The following TEC variants were observed in gnomAD, a reference collection of about 807,000 sequenced individuals.
TEC encodes the protein tyrosine-protein kinase Tec.
A neutral mutation model predicts 93.0 loss-of-function variants in TEC; 72 were observed. That is an observed-to-expected ratio of 0.77 (90% CI 0.64 to 0.94). TEC has a LOEUF of 0.94. Among genes scored for constraint, TEC ranks in the 40% least tolerant of loss-of-function variants. The pLI, the probability that TEC is intolerant of heterozygous loss-of-function variation, is 0.00. For synonymous variants in TEC, 249 were observed against 247.7 expected (o/e 1.01, Z -0.05); for missense variants, 630 against 757.9 (o/e 0.83, Z 1.98).
At chr4:48,182,961 G>A (rs928849483) in intron 2 of TEC, among the ~76,000 whole-genome samples, 3 of 152,254 alleles carry the variant, frequency 2.0e-5, no homozygotes, top group Admixed American at 2.0e-4. Context: ...ACAGGGAAAG[G>A]CTTGCCAGGG....
chr4:48,179,677 T>C (rs776018429), intron 2 of TEC, among the ~76,000 whole-genome samples: 4 of 151,678 alleles, frequency 2.6e-5, no homozygotes, highest in Non-Finnish European at 5.9e-5. Flanking sequence ...GCGTGAGCAC[T>C]ACATATAAAA....
At chr4:48,151,143 G>A (rs1450071448) in intron 9 of TEC, among the ~76,000 whole-genome samples, 1 of 152,248 alleles carries the variant, frequency 6.6e-6, no homozygotes, top group Middle Eastern at 3.4e-3. Flanking sequence ...TACTGCGCTA[G>A]GAGAGTAGTT....
At position 48,161,411 on chromosome 4, in the gene TEC, C is replaced by T. The variant is rs550196905; in HGVS notation, c.737+2291G>A. On this transcript the variant is annotated intron_variant, in intron 8 of 17. Transcript: ENST00000381501. ...ATCACAACGAATCTGCTTTCTTTTC[C>T]AGCACTGATCTCTCCGATCTTCTCC... Among the ~76,000 whole-genome samples the T allele has an allele frequency of 2.0e-5, 3 of 151,928 alleles. No homozygotes were observed. The South Asian group carries it at 6.3e-4, about 32-fold the overall frequency.
chr4:48,218,756 C>T (rs1185853842), intron 2 of TEC, among the ~76,000 whole-genome samples: 1 of 152,148 alleles, frequency 6.6e-6, no homozygotes, highest in African/African-American at 2.4e-5. Context: ...AAGAAAAAAA[C>T]CAATATGACC....
intron 2 of TEC, among the ~76,000 whole-genome samples, chr4:48,197,178 A>G (rs4695357): frequency 2.0e-5 from 3 of 151,954 alleles, no homozygotes; most frequent in Admixed American, 1.3e-4. Flanking sequence ...ACAATTTGGT[A>G]GCCCAAAAAA....
intron 2 of TEC, among the ~76,000 whole-genome samples, chr4:48,210,856 T>C (rs1157281269): frequency 2.0e-5 from 3 of 152,126 alleles, no homozygotes; most frequent in African/African-American, 7.2e-5. Context: ...TGCATTGATA[T>C]CTGGGAAAAA....
At chr4:48,184,772 C>T (rs901380014) in intron 2 of TEC, among the ~76,000 whole-genome samples, 1 of 84,376 alleles carries the variant, frequency 1.2e-5, no homozygotes, top group East Asian at 5.0e-4. Context: ...AAAAAAAATA[C>T]ACACACACAC....
chr4:48,213,432 A>G (rs1722975592), intron 2 of TEC, among the ~76,000 whole-genome samples: 1 of 152,252 alleles, frequency 6.6e-6, no homozygotes, highest in Admixed American at 6.5e-5. Flanking sequence ...CTGAAGTAGT[A>G]ATCAGTGAAC....
intron 5 of TEC, among the ~76,000 whole-genome samples, chr4:48,169,429 A>G (rs1721012335): frequency 6.6e-6 from 1 of 152,114 alleles, no homozygotes; most frequent in Non-Finnish European, 1.5e-5. Context: ...CTTCCTCTTT[A>G]ATGTGCTAAG....
intron 2 of TEC, among the ~76,000 whole-genome samples, chr4:48,191,007 G>A (rs1722074689): frequency 6.6e-6 from 1 of 152,160 alleles, no homozygotes; most frequent in Admixed American, 6.5e-5. Flanking sequence ...TAACACAGCA[G>A]AGTCAATATG....
In TEC at chr4:48,137,153, G is replaced by T. The variant is rs577985846; in HGVS notation, c.*263C>A. 42 of 463,248 alleles carry T rather than the reference G, an allele frequency of 9.1e-5. No homozygotes were observed. The highest frequency in any genetic ancestry group is 7.2e-4 in the African/African-American group (36 of 49,922). The allele number at this position is 463,248 out of a possible 1,614,324, so 28.7% of individuals were successfully genotyped here. On this transcript the variant is annotated 3_prime_UTR_variant, in exon 18 of 18. Coordinates refer to ENST00000381501, the MANE Select transcript of TEC (RefSeq NM_003215.3). ...ACCCTGGGGCTACACACAGTGCCTG[G>T]TAAACAACTGTCACTCAAGTGCCTG...
intron 1 of TEC, among the ~76,000 whole-genome samples, chr4:48,253,202 C>T (rs1447955476): frequency 6.6e-6 from 1 of 152,096 alleles, no homozygotes; most frequent in African/African-American, 2.4e-5. Context: ...ATTCATCAGG[C>T]AGTAAAACGG....
chr4:48,242,053 A>C (rs1723935477), intron 1 of TEC, among the ~76,000 whole-genome samples: 1 of 152,222 alleles, frequency 6.6e-6, no homozygotes, highest in Admixed American at 6.5e-5. Context: ...ACAATCTATT[A>C]AGGACTTTAA....
At chr4:48,227,287 G>A (rs1459287978) in intron 2 of TEC, among the ~76,000 whole-genome samples, 1 of 151,704 alleles carries the variant, frequency 6.6e-6, no homozygotes, top group Non-Finnish European at 1.5e-5. Flanking sequence ...AAATCAGTGG[G>A]AGAAAAAAAA....
intron 9 of TEC, among the ~76,000 whole-genome samples, chr4:48,151,643 T>C (rs931913059): frequency 6.6e-6 from 1 of 152,186 alleles, no homozygotes; most frequent in Non-Finnish European, 1.5e-5. Context: ...TGCAACACCA[T>C]GTCCAGCTAA....
Position 48,176,074 on chromosome 4 carries a change from C to T in TEC, c.243+8G>A, listed in dbSNP as rs1338232016. 1 of 1,607,310 alleles carries T rather than the reference C, an allele frequency of 6.2e-7. No individual in the cohort carries two copies. Among genetic ancestry groups the T allele is most frequent in the Non-Finnish European group, 8.5e-7 (1 of 1,174,156 alleles). On this transcript the variant is annotated splice_region_variant and intron_variant, in intron 3 of 17. Transcript: ENST00000381501. ...GCACTGCACTGCCACAAAAATACAC[C>T]AGCTCACCTGAAATGGATACTTATT...
chr4:48,152,694 A>G (rs1408433997), intron 9 of TEC, among the ~76,000 whole-genome samples: 1 of 152,174 alleles, frequency 6.6e-6, no homozygotes, highest in African/African-American at 2.4e-5. Flanking sequence ...TTTGGTCCCC[A>G]GGCTGCCATT....
At chr4:48,201,201 C>G (rs1455485261) in intron 2 of TEC, among the ~76,000 whole-genome samples, 1 of 152,130 alleles carries the variant, frequency 6.6e-6, no homozygotes, top group African/African-American at 2.4e-5. Flanking sequence ...GACAGACTCT[C>G]AGGTTCCTGG....
chr4:48,240,946 T>A, intron 1 of TEC, among the ~76,000 whole-genome samples: 1 of 151,364 alleles, frequency 6.6e-6, no homozygotes, highest in East Asian at 1.9e-4. Context: ...ACATACCTGA[T>A]CCCTAACAGG....
Sources: gnomAD v4.1 joint callset for allele counts (sites outside exome capture counted in the v4.1 genomes callset) on GRCh38, gnomAD v4.1.1 for gene constraint, MANE v1.5 for transcripts, NCBI Gene and HGNC (gene_info 2026-07-23, HGNC 2026-07-21) for gene names.